ACTR3C: variants seen among roughly 807,000 people sequenced by gnomAD.
ACTR3C encodes the protein actin related protein 3C, also known as actin-related protein 3C.
Under a neutral mutation model 26.3 loss-of-function variants are expected in ACTR3C, and 18 were observed. The observed-to-expected ratio is 0.68, with a 90% CI of 0.47 to 1.01. The LOEUF (loss-of-function observed/expected upper bound fraction) is 1.01. Ranked by LOEUF, ACTR3C falls within the 50% of genes least tolerant of loss-of-function variation. ACTR3C has a pLI of 0.00. For missense variants in ACTR3C, 184 were observed against 250.7 expected (o/e 0.73, Z 1.80); for synonymous variants, 55 against 94.5 (o/e 0.58, Z 2.42).
the ACTR3C span, among the ~76,000 whole-genome samples, chr7:150,018,382 C>T: frequency 6.7e-6 from 1 of 149,386 alleles, no homozygotes; most frequent in South Asian, 2.1e-4. Context: ...TTTTCACTTC[C>T]TTTGAGATAC....
chr7:150,298,762 G>C (rs1161849287), intron 1 of ACTR3C, among the ~76,000 whole-genome samples: 1 of 146,500 alleles, frequency 6.8e-6, no homozygotes, highest in Admixed American at 6.9e-5. Flanking sequence ...CTAAAACAAA[G>C]TAGCTTGGAA....
the ACTR3C span, among the ~76,000 whole-genome samples, chr7:150,153,191 G>A: frequency 6.6e-6 from 1 of 152,124 alleles, no homozygotes; most frequent in Non-Finnish European, 1.5e-5. Flanking sequence ...AACACCAAAA[G>A]CAATGGCAAC....
chr7:149,891,259 C>T, the ACTR3C span: 1 of 1,298,356 alleles, frequency 7.7e-7, no homozygotes, highest in African/African-American at 1.5e-5. Context: ...ATGAACCTTT[C>T]CATAAGATCC....
chr7:150,272,690 GTTTTTT>G (rs201919346), intron 6 of ACTR3C, among the ~76,000 whole-genome samples: 1 of 114,036 alleles, frequency 8.8e-6, no homozygotes, highest in African/African-American at 4.0e-5. Flanking sequence ...TGTTTTTTTG[GTTTTTT>G]TTTTTTTTTT....
At chr7:149,897,411 AG>A in the ACTR3C span, among the ~76,000 whole-genome samples, 12 of 152,268 alleles carry the variant, frequency 7.9e-5, no homozygotes, top group Admixed American at 2.0e-4. Context: ...AAGGTAAGTC[AG>A]GCTATAGAAT....
At position 150,253,350 on chromosome 7, in the gene ACTR3C, G is replaced by A. The variant is rs1240245997; in HGVS notation, c.565-4296C>T. ...AGCTTTCCAGTCTCAGGTGCAAATG[G>A]CCCTCAAGTCTCCTGATGTCCACTG... On this transcript the variant is annotated intron_variant, in intron 6 of 7. Coordinates refer to ENST00000683684, the MANE Select transcript of ACTR3C (RefSeq NM_001164458.2). Among the ~76,000 whole-genome samples the A allele has an allele frequency of 2.6e-5, 4 of 152,066 alleles. No homozygotes were observed. In the South Asian group the frequency reaches 8.3e-4, roughly 32 times the overall value.
At chr7:150,006,185 A>AATTAATTAATTAATTAATTTATTTATTT in the ACTR3C span, among the ~76,000 whole-genome samples, 25 of 139,016 alleles carry the variant, frequency 1.8e-4, no homozygotes, top group African/African-American at 6.8e-4. Flanking sequence ...AATTGCACAG[A>AATTAATTAATTAATTAATTTATTTATTT]ATTTATTTAT....
the ACTR3C span, among the ~76,000 whole-genome samples, chr7:150,200,501 G>A: frequency 2.2e-4 from 34 of 152,012 alleles, no homozygotes; most frequent in Admixed American, 2.6e-4. Flanking sequence ...CAATATACAC[G>A]GCCAATAAGC....
chr7:149,931,142 A>T, the ACTR3C span, among the ~76,000 whole-genome samples: 1 of 152,246 alleles, frequency 6.6e-6, no homozygotes, highest in Non-Finnish European at 1.5e-5. Context: ...CTGGGATTAT[A>T]GGCATGAGCC....
At chr7:150,057,199 A>G in the ACTR3C span, among the ~76,000 whole-genome samples, 4 of 152,048 alleles carry the variant, frequency 2.6e-5, no homozygotes, top group South Asian at 2.1e-4. Flanking sequence ...AAGACTTCCA[A>G]TAAGATACCT....
At chr7:150,180,168 G>T in the ACTR3C span, among the ~76,000 whole-genome samples, 7 of 150,300 alleles carry the variant, frequency 4.7e-5, no homozygotes, top group East Asian at 1.4e-3. Context: ...AGCCGGGCGT[G>T]GTCGTGGGCA....
chr7:149,881,951 C>T, the ACTR3C span: 6 of 152,764 alleles, frequency 3.9e-5, no homozygotes, highest in Admixed American at 6.6e-5. Flanking sequence ...GGGCTGGGAG[C>T]GAGTGGGCAG....
chr7:149,921,913 A>C, the ACTR3C span, among the ~76,000 whole-genome samples: 1 of 152,046 alleles, frequency 6.6e-6, no homozygotes, highest in Non-Finnish European at 1.5e-5. Context: ...CATTCTAATT[A>C]CTGAAGTACT....
chr7:149,896,054 A>C, the ACTR3C span, among the ~76,000 whole-genome samples: 659 of 137,174 alleles, frequency 4.8e-3, 6 homozygotes, highest in African/African-American at 0.016. Flanking sequence ...AAAAAAAAAA[A>C]AACACAAAAA....
At chr7:150,185,274 GGCGT>G in the ACTR3C span, among the ~76,000 whole-genome samples, 301 of 124,242 alleles carry the variant, frequency 2.4e-3, no homozygotes, top group African/African-American at 8.5e-3. Context: ...TTAAATGTCA[GGCGT>G]GTGTGTGTGT....
the ACTR3C span, among the ~76,000 whole-genome samples, chr7:150,011,980 G>A: frequency 4.6e-5 from 7 of 152,226 alleles, no homozygotes; most frequent in African/African-American, 7.2e-5. Context: ...TACAAGAGGC[G>A]AGAGAGTTTT....
the ACTR3C span, among the ~76,000 whole-genome samples, chr7:149,902,579 A>AC: frequency 3.0e-5 from 3 of 101,534 alleles, no homozygotes; most frequent in African/African-American, 9.3e-5. Flanking sequence ...AACAAGAGAG[A>AC]CCCCCATCTC....
chr7:150,318,235 A>T (rs766440832), intron 1 of ACTR3C, among the ~76,000 whole-genome samples: 1 of 152,158 alleles, frequency 6.6e-6, no homozygotes, highest in African/African-American at 2.4e-5. Context: ...AGAGATCATT[A>T]TGGAGTGGTC....
At chr7:150,007,293 G>A in the ACTR3C span, among the ~76,000 whole-genome samples, 2 of 152,168 alleles carry the variant, frequency 1.3e-5, no homozygotes, top group African/African-American at 4.8e-5. Flanking sequence ...GCATAGAAAT[G>A]GAGGAGAAGA....
Sources: gnomAD v4.1 joint callset for allele counts (sites outside exome capture counted in the v4.1 genomes callset) on GRCh38, gnomAD v4.1.1 for gene constraint, MANE v1.5 for transcripts, NCBI Gene and HGNC (gene_info 2026-07-23, HGNC 2026-07-21) for gene names.